The following SHISA6 variants were observed in gnomAD, a reference collection of about 807,000 sequenced individuals.
SHISA6 encodes the protein shisa family member 6, also known as protein shisa-6.
Under a neutral mutation model 47.9 loss-of-function variants are expected in SHISA6, and 22 were observed. That is an observed-to-expected ratio of 0.46 (90% CI 0.33 to 0.66). SHISA6 has a LOEUF of 0.66. Among genes scored for constraint, SHISA6 ranks in the 30% least tolerant of loss-of-function variants. The pLI is 0.02. For synonymous variants in SHISA6, 388 were observed against 337.8 expected (o/e 1.15, Z -1.63); for missense variants, 680 against 764.6 (o/e 0.89, Z 1.30).
chr17:11,296,567 C>G (rs1909757337), intron 2 of SHISA6, among the ~76,000 whole-genome samples: 1 of 152,064 alleles, frequency 6.6e-6, no homozygotes, highest in Non-Finnish European at 1.5e-5. Context: ...GAAATGAAGA[C>G]TTGTGTTTTG....
intron 2 of SHISA6, among the ~76,000 whole-genome samples, chr17:11,370,118 G>A (rs1404891565): frequency 6.6e-6 from 1 of 152,132 alleles, no homozygotes; most frequent in Non-Finnish European, 1.5e-5. Context: ...TTGATGGCAG[G>A]GAGTAAGCAG....
chr17:11,312,988 A>G (rs1271487242), intron 2 of SHISA6, among the ~76,000 whole-genome samples: 1 of 152,192 alleles, frequency 6.6e-6, no homozygotes, highest in Non-Finnish European at 1.5e-5. Flanking sequence ...GATTTGTACC[A>G]TTTGCCAATT....
At chr17:11,441,427 C>G (rs971922163) in intron 3 of SHISA6, among the ~76,000 whole-genome samples, 1 of 152,168 alleles carries the variant, frequency 6.6e-6, no homozygotes, top group Admixed American at 6.5e-5. Context: ...TCTAAGCTGT[C>G]CTCAGTTGGA....
At chr17:11,430,810 A>C (rs1226274369) in intron 3 of SHISA6, among the ~76,000 whole-genome samples, 1 of 152,210 alleles carries the variant, frequency 6.6e-6, no homozygotes, top group African/African-American at 2.4e-5. Context: ...AATGCTTCTT[A>C]CTTTGGAACA....
At chr17:11,359,873 G>A (rs193274700) in intron 2 of SHISA6, among the ~76,000 whole-genome samples, 6 of 152,208 alleles carry the variant, frequency 3.9e-5, no homozygotes, top group African/African-American at 1.4e-4. Context: ...TGGTGGGAGT[G>A]TAAATTAGTT....
At chr17:11,282,927 G>T (rs989147603) in intron 2 of SHISA6, among the ~76,000 whole-genome samples, 5 of 152,186 alleles carry the variant, frequency 3.3e-5, no homozygotes, top group African/African-American at 1.2e-4. Flanking sequence ...GGTTTATAGA[G>T]TGGAGAGCTC....
intron 3 of SHISA6, among the ~76,000 whole-genome samples, chr17:11,533,587 A>ATTTTTTTTT (rs3038696): frequency 1.4e-4 from 13 of 95,016 alleles, no homozygotes; most frequent in Admixed American, 1.5e-4. Flanking sequence ...CCCTTTCATT[A>ATTTTTTTTT]TTTTTTTTTT....
chr17:11,558,230 A>G lies in SHISA6; in HGVS notation c.1582A>G (p.Thr528Ala). Residue 528 changes from threonine (T) to alanine (A), a missense_variant, in exon 6 of 6, where the codon ACG becomes GCG. By Grantham distance (58) the Thr-to-Ala change is moderately conservative. This residue lies in a region of SHISA6 where 559 missense variants were observed against 674.1 expected (regional missense o/e 0.83). Transcript: ENST00000441885. ...RHAFASRRHNTVEQLHYIPGH... is the reference protein window; with the variant it reads ...RHAFASRRHNAVEQLHYIPGH... Reference sequence around the variant, plus strand: ...TGCCTTTGCCTCACGCAGACACAACACGGTGGAGCAGCTGCACTACATCCC... The same window carrying G: ...TGCCTTTGCCTCACGCAGACACAACGCGGTGGAGCAGCTGCACTACATCCC... The G allele has an allele frequency of 6.5e-7, 1 of 1,540,810 alleles. No homozygotes were observed. The highest frequency in any genetic ancestry group is 8.7e-7 in the Non-Finnish European group (1 of 1,146,942).
intron 2 of SHISA6, among the ~76,000 whole-genome samples, chr17:11,308,955 C>A (rs1262969001): frequency 6.6e-6 from 1 of 152,150 alleles, no homozygotes; most frequent in African/African-American, 2.4e-5. Context: ...GAGCACGAAT[C>A]ATCCACGTGG....
intron 3 of SHISA6, among the ~76,000 whole-genome samples, chr17:11,397,632 C>T (rs1312276723): frequency 6.6e-6 from 1 of 151,506 alleles, no homozygotes; most frequent in Admixed American, 6.6e-5. Context: ...ACCTTCTTTT[C>T]CTGGAAAATG....
chr17:11,496,491 A>G (rs965552928), intron 3 of SHISA6, among the ~76,000 whole-genome samples: 2 of 152,112 alleles, frequency 1.3e-5, no homozygotes, highest in Non-Finnish European at 2.9e-5. Flanking sequence ...TGTAATCCCA[A>G]CACTTTGGGA....
intron 2 of SHISA6, among the ~76,000 whole-genome samples, chr17:11,360,710 A>G (rs920741577): frequency 6.6e-6 from 1 of 151,912 alleles, no homozygotes; most frequent in Admixed American, 6.5e-5. Flanking sequence ...TGACAGGTTG[A>G]TAGGTGCAGC....
At chr17:11,251,813 G>T (rs917704904) in intron 1 of SHISA6, among the ~76,000 whole-genome samples, 8 of 152,104 alleles carry the variant, frequency 5.3e-5, no homozygotes, top group Non-Finnish European at 1.2e-4. Context: ...GTCCTGAGGG[G>T]CACGTGGAAA....
At chr17:11,419,508 G>A (rs1186441103) in intron 3 of SHISA6, among the ~76,000 whole-genome samples, 1 of 152,096 alleles carries the variant, frequency 6.6e-6, no homozygotes, top group East Asian at 1.9e-4. Context: ...TTAAATTTCT[G>A]CTGTAGTTAG....
chr17:11,429,659 C>T (rs535378274), intron 3 of SHISA6, among the ~76,000 whole-genome samples: 1 of 150,306 alleles, frequency 6.7e-6, no homozygotes, highest in Non-Finnish European at 1.5e-5. Context: ...GGCATGGTGG[C>T]GCATGCCTAT....
At chr17:11,257,247 C>T (rs1908045782) in intron 1 of SHISA6, among the ~76,000 whole-genome samples, 1 of 152,130 alleles carries the variant, frequency 6.6e-6, no homozygotes, top group Non-Finnish European at 1.5e-5. Context: ...GTTAAAAATA[C>T]ATTCATTTCA....
At chr17:11,513,432 C>T (rs925036543) in intron 3 of SHISA6, among the ~76,000 whole-genome samples, 4 of 152,132 alleles carry the variant, frequency 2.6e-5, no homozygotes, top group Non-Finnish European at 5.9e-5. Flanking sequence ...AGTGTCAACT[C>T]TTCGAATATT....
At chr17:11,409,652 C>T (rs140511192) in intron 3 of SHISA6, among the ~76,000 whole-genome samples, 2,709 of 146,000 alleles carry the variant, frequency 0.019, 79 homozygotes, top group African/African-American at 0.065. Flanking sequence ...TGCAGTGAGC[C>T]GAGATCGTGC....
chr17:11,528,070 G>C (rs1020910702), intron 3 of SHISA6, among the ~76,000 whole-genome samples: 1 of 152,252 alleles, frequency 6.6e-6, no homozygotes, highest in Admixed American at 6.5e-5. Flanking sequence ...TAAAATCCTA[G>C]AGAGTTCCTT....
Sources: gnomAD v4.1 joint callset for allele counts (sites outside exome capture counted in the v4.1 genomes callset) on GRCh38, gnomAD v4.1.1 for gene constraint, gnomAD v4.1.1 regional missense constraint, MANE v1.5 for transcripts, NCBI Gene and HGNC (gene_info 2026-07-23, HGNC 2026-07-21) for gene names.